Variants in TMEM245 observed in about 807,000 individuals in gnomAD.
TMEM245 encodes transmembrane protein 245, also known as protein CG-2.
Under a neutral mutation model 101.2 loss-of-function variants are expected in TMEM245, and 69 were observed. The ratio of observed to expected loss-of-function variants is 0.68; its 90% CI spans 0.56 to 0.83. The LOEUF (loss-of-function observed/expected upper bound fraction) is 0.83. Ranked by LOEUF, TMEM245 falls within the 40% of genes least tolerant of loss-of-function variation. The pLI is 0.00. For synonymous variants in TMEM245, 537 were observed against 449.8 expected (o/e 1.19, Z -2.45); for missense variants, 1,075 against 1,092.8 (o/e 0.98, Z 0.23).
At chr9:109,029,929 T>G (rs1049451738) in intron 17 of TMEM245, among the ~76,000 whole-genome samples, 1 of 152,198 alleles carries the variant, frequency 6.6e-6, no homozygotes, top group African/African-American at 2.4e-5. Context: ...AGTATCTTTA[T>G]TAATTCAAGA....
At chr9:109,087,395 T>C in intron 5 of TMEM245, 53 bp from the exon 6 acceptor site, 1 of 1,475,976 alleles carries the variant, frequency 6.8e-7, no homozygotes, top group East Asian at 2.5e-5. Context: ...TAACAAGTTG[T>C]AACATGAAAA....
intron 11 of TMEM245, among the ~76,000 whole-genome samples, chr9:109,059,326 A>G (rs569090434): frequency 1.3e-5 from 2 of 152,192 alleles, no homozygotes; most frequent in East Asian, 1.9e-4. Flanking sequence ...CAAATTTAAA[A>G]TCAGCCCTCC....
chr9:109,042,839 ATTTTTTTT>A lies in TMEM245; in HGVS notation c.2124-4730_2124-4723del, dbSNP rs754295748. On this transcript the variant is annotated intron_variant, in intron 14 of 17. Coordinates refer to ENST00000374586, the MANE Select transcript of TMEM245 (RefSeq NM_032012.4). Reference sequence around the variant, plus strand: ...AAAATAAATAAAGGTATAGCTGACAATTTTTTTTTTTTTTTTTTTTTTTTGAGACTGGG... The same window carrying A: ...AAAATAAATAAAGGTATAGCTGACAATTTTTTTTTTTTTTTTGAGACTGGG... 6.9e-5 allele frequency among the ~76,000 whole-genome samples: 8 copies of A among 115,536 alleles called. 1 individual carries two copies. Among genetic ancestry groups the A allele is most frequent in the African/African-American group, 2.7e-4 (8 of 29,590 alleles). 75.8% of individuals were successfully genotyped at this position (115,536 alleles called of 152,430 possible). A position where few individuals can be genotyped will look rare whatever the true frequency, so the allele number is the denominator to read the frequency against.
chr9:109,073,856 GTTT>G (rs904054098), intron 8 of TMEM245, among the ~76,000 whole-genome samples: 2 of 119,862 alleles, frequency 1.7e-5, no homozygotes, highest in East Asian at 4.8e-4. Flanking sequence ...TTTTTTTTTT[GTTT>G]TTTTTTTTTT....
intron 5 of TMEM245, among the ~76,000 whole-genome samples, chr9:109,088,615 C>T (rs1374404850): frequency 1.3e-5 from 2 of 151,606 alleles, no homozygotes; most frequent in Non-Finnish European, 2.9e-5. Flanking sequence ...ATCAGGAGAT[C>T]GAGACCATCC....
intron 10 of TMEM245, among the ~76,000 whole-genome samples, chr9:109,063,494 A>G (rs547655065): frequency 7.2e-5 from 11 of 152,324 alleles, no homozygotes; most frequent in South Asian, 6.2e-4. Flanking sequence ...AATTTTCAAT[A>G]TGGAATCACA....
At chr9:109,106,838 G>T (rs1168533853) in intron 2 of TMEM245, among the ~76,000 whole-genome samples, 2 of 152,034 alleles carry the variant, frequency 1.3e-5, no homozygotes, top group African/African-American at 4.8e-5. Context: ...TAGGGTACAT[G>T]CCTGCCTACC....
Position 109,119,897 on chromosome 9 carries a change from C to A in TMEM245, c.17G>T (p.Gly6Val), listed in dbSNP as rs1004156240. The change falls in exon 1 of 18, where the codon GGC becomes GTC. Residue 6 changes from glycine (G) to valine (V), a missense_variant. Gly to Val is a moderately radical substitution (Grantham distance 109). This residue lies in a region of TMEM245 where 808 missense variants were observed against 741.5 expected (regional missense o/e 1.09). Coordinates refer to ENST00000374586, the MANE Select transcript of TMEM245 (RefSeq NM_032012.4). Reference sequence around the variant, plus strand: ...CCGCAGGCTTGGCGCGTCCTTAGGGCCGCCGCCGTCGGCCATCGTTCCTCC... The same window carrying A: ...CCGCAGGCTTGGCGCGTCCTTAGGGACGCCGCCGTCGGCCATCGTTCCTCC... MADGG[G>V]PKDAPSLRSS... 3.1e-6 allele frequency: 4 copies of A among 1,272,062 alleles called. No individual in the cohort carries two copies. The highest frequency in any genetic ancestry group is 3.9e-6 in the Non-Finnish European group (4 of 1,014,338). The allele number at this position is 1,272,062 out of a possible 1,614,324, so 78.8% of individuals were successfully genotyped here. A position where few individuals can be genotyped will look rare whatever the true frequency, so the allele number is the denominator to read the frequency against.
Position 109,036,257 on chromosome 9 carries a change from T to C in TMEM245, c.2348A>G (p.His783Arg), listed in dbSNP as rs895098992. The C allele has an allele frequency of 1.2e-6, 2 of 1,613,596 alleles. No homozygotes were observed. Among genetic ancestry groups the C allele is most frequent in the Non-Finnish European group, 1.7e-6 (2 of 1,179,932 alleles). The part of the protein sequence containing the change: ...GCKAILLLIF[H>R]LLPTYFVDTA... ...ATCTACAAAGTATGTTGGCAAGAGA[T>C]GAAAAATCAACAGTAAAATGGCCTT... Residue 783 changes from histidine (H) to arginine (R), a missense_variant, in exon 16 of 18, where the codon CAT (histidine) becomes CGT (arginine). Physicochemically the swap from His to Arg is conservative, Grantham distance 29. Around this residue, in one of 2 missense-constraint regions of TMEM245, gnomAD observed 267 missense variants for 351.3 expected, o/e 0.76. Transcript: ENST00000374586.
In TMEM245 at chr9:109,119,504, G is replaced by A; in HGVS notation, c.410C>T (p.Ala137Val). ...PLCFVDYGVE[A>V]LGEQALRRRR... ...GCGGCGCAGCGCCTGCTCGCCCAGG[G>A]CCTCGACGCCGTAGTCGACGAAGCA... Residue 137 changes from alanine (A) to valine (V), a missense_variant, in exon 1 of 18, where the codon GCC becomes GTC. Transcript: ENST00000374586. 2 of 1,513,352 alleles carry A rather than the reference G, an allele frequency of 1.3e-6. No homozygotes were observed. Among genetic ancestry groups the A allele is most frequent in the Non-Finnish European group, 1.8e-6 (2 of 1,137,110 alleles). The allele number at this position is 1,513,352 out of a possible 1,614,324, so 93.7% of individuals were successfully genotyped here.
chr9:109,022,390 T>C (rs1044552164), intron 17 of TMEM245, among the ~76,000 whole-genome samples: 1 of 152,226 alleles, frequency 6.6e-6, no homozygotes, highest in Non-Finnish European at 1.5e-5. Flanking sequence ...ATGAATTTTC[T>C]TTCCTTAAAG....
At position 109,019,203 on chromosome 9, in the gene TMEM245, A is replaced by T. The variant is rs1284469898; in HGVS notation, c.*1257T>A. 6.6e-6 allele frequency: 1 copy of T among 152,206 alleles called. No individual in the cohort carries two copies. The highest frequency in any genetic ancestry group is 1.5e-5 in the Non-Finnish European group (1 of 68,058). 9.4% of individuals were successfully genotyped at this position (152,206 alleles called of 1,614,324 possible). ...TCTTCATTCACAACAAATGGATAGCAACACCAATCTCGTAACACTGGGAAA... is the reference window on the plus strand; with the variant it reads ...TCTTCATTCACAACAAATGGATAGCTACACCAATCTCGTAACACTGGGAAA... On this transcript the variant is annotated 3_prime_UTR_variant, in exon 18 of 18. Coordinates refer to ENST00000374586, the MANE Select transcript of TMEM245 (RefSeq NM_032012.4).
intron 12 of TMEM245, among the ~76,000 whole-genome samples, chr9:109,054,471 G>A (rs1011736404): frequency 1.3e-5 from 2 of 152,094 alleles, no homozygotes; most frequent in African/African-American, 4.8e-5. Flanking sequence ...GAAAAAGAAG[G>A]TAAAATATGT....
intron 3 of TMEM245, among the ~76,000 whole-genome samples, chr9:109,102,479 A>C (rs1830304664): frequency 6.6e-6 from 1 of 152,260 alleles, no homozygotes; most frequent in African/African-American, 2.4e-5. Context: ...TACCACAAAC[A>C]GCCTCATGAT....
intron 9 of TMEM245, among the ~76,000 whole-genome samples, chr9:109,070,734 T>G (rs987220713): frequency 1.3e-5 from 2 of 152,218 alleles, no homozygotes; most frequent in African/African-American, 4.8e-5. Context: ...TGCACCTATA[T>G]GTATGTCCTC....
At chr9:109,045,135 G>A (rs780282976) in intron 14 of TMEM245, among the ~76,000 whole-genome samples, 1 of 152,176 alleles carries the variant, frequency 6.6e-6, no homozygotes, top group South Asian at 2.1e-4. Context: ...TTGAACTACA[G>A]TCATTCTACA....
intron 6 of TMEM245, 142 bp from the exon 7 acceptor site, chr9:109,086,162 T>C (rs1829829807): frequency 2.6e-6 from 2 of 766,962 alleles, no homozygotes; most frequent in East Asian, 2.7e-5. Flanking sequence ...ACGGAAAAAC[T>C]GTAACACATC....
chr9:109,025,291 C>T (rs948561816), intron 17 of TMEM245, among the ~76,000 whole-genome samples: 11 of 152,234 alleles, frequency 7.2e-5, no homozygotes, highest in Middle Eastern at 6.8e-3. Context: ...AGGCTGGCCT[C>T]GAATTCCTGG....
Position 109,119,700 on chromosome 9 carries a change from G to A in TMEM245, c.214C>T (p.Leu72=). The A allele has an allele frequency of 1.3e-6, 2 of 1,549,846 alleles. No homozygotes were observed. Among genetic ancestry groups the A allele is most frequent in the Non-Finnish European group, 8.7e-7 (1 of 1,151,594 alleles). The change falls in exon 1 of 18, where the codon CTG becomes TTG. Residue 72 remains leucine (L), a synonymous_variant. Transcript: ENST00000374586. ...AAGGCCTCCAGGATGAAGTAGACCA[G>A]CACCGCGGCGCCGCAGCACAGGCAC... The part of the protein sequence containing the change: ...FVCLCCGAAV[L]VYFILEAFLR...
Sources: gnomAD v4.1 joint callset for allele counts (sites outside exome capture counted in the v4.1 genomes callset) on GRCh38, gnomAD v4.1.1 for gene constraint, gnomAD v4.1.1 regional missense constraint, MANE v1.5 for transcripts, NCBI Gene and HGNC (gene_info 2026-07-23, HGNC 2026-07-21) for gene names.